GSTCD: variants seen among roughly 807,000 people sequenced by gnomAD.
The protein encoded by GSTCD is glutathione S-transferase C-terminal domain-containing protein.
GSTCD carries 44 observed loss-of-function variants against 68.3 expected under a neutral mutation model. The ratio of observed to expected loss-of-function variants is 0.64; its 90% CI spans 0.51 to 0.83. The LOEUF is 0.83. GSTCD is among the 40% of genes least tolerant of loss of function. The pLI is 0.00. For missense variants in GSTCD, 739 were observed against 735.9 expected, an observed-to-expected ratio of 1.00 and a Z score of -0.05; for synonymous variants, 273 against 255.2, an observed-to-expected ratio of 1.07 and a Z score of -0.67.
At chr4:105,799,263 G>A (rs1208798910) in intron 5 of GSTCD, among the ~76,000 whole-genome samples, 2 of 152,172 alleles carry the variant, frequency 1.3e-5, no homozygotes, top group Admixed American at 1.3e-4. Context: ...CCCAATATCA[G>A]TAATGAGGCA....
At chr4:105,807,168 T>C (rs1185897704) in intron 5 of GSTCD, 1 of 152,146 alleles carries the variant, frequency 6.6e-6, no homozygotes, top group Non-Finnish European at 1.5e-5. Context: ...CACCAGTTTT[T>C]ACTATTTTGC....
In GSTCD at chr4:105,726,845, A is replaced by G. The variant is rs1733054930; in HGVS notation, c.1146+15A>G. On this transcript the variant is annotated intron_variant, in intron 4 of 11. Coordinates refer to ENST00000515279, the MANE Select transcript of GSTCD (RefSeq NM_001370181.1). The stretch of plus-strand genomic sequence containing the variant: ...CCAAGTTAATGGTACTTAATTATTA[A>G]CATTTTCTTTGAAAAATTCTATGTG... 2 of 1,569,046 alleles carry G rather than the reference A, an allele frequency of 1.3e-6. No homozygotes were observed. Among genetic ancestry groups the G allele is most frequent in the African/African-American group, 1.4e-5 (1 of 73,106 alleles).
intron 8 of GSTCD, among the ~76,000 whole-genome samples, chr4:105,831,604 C>T (rs533391583): frequency 1.3e-5 from 2 of 152,210 alleles, no homozygotes; most frequent in East Asian, 3.9e-4. Flanking sequence ...TTTGTGTGTT[C>T]ACATCTCTTG....
At chr4:105,802,739 A>G (rs1465280457) in intron 5 of GSTCD, among the ~76,000 whole-genome samples, 1 of 152,078 alleles carries the variant, frequency 6.6e-6, no homozygotes, top group Non-Finnish European at 1.5e-5. Flanking sequence ...CTCTTAAGCC[A>G]TAATCCAGTT....
At chr4:105,757,305 T>A (rs1578442492) in intron 5 of GSTCD, among the ~76,000 whole-genome samples, 1 of 152,310 alleles carries the variant, frequency 6.6e-6, no homozygotes, top group Non-Finnish European at 1.5e-5. Flanking sequence ...TATTAAGAAT[T>A]TCCCATTCTC....
chr4:105,825,645 T>C lies in GSTCD; in HGVS notation c.1402-27T>C, dbSNP rs762962725. ...AATGTCTGAATTATGTTACTAAATA[T>C]ACTATTGTTTTCTGGGTAAAATCTA... On this transcript the variant is annotated intron_variant, in intron 7 of 11. Transcript: ENST00000515279. The C allele has an allele frequency of 3.1e-6, 4 of 1,275,394 alleles. No homozygotes were observed. The Admixed American group carries it at 7.0e-5, about 22-fold the overall frequency. 79.0% of individuals were successfully genotyped at this position (1,275,394 alleles called of 1,614,324 possible). A position where few individuals can be genotyped will look rare whatever the true frequency, so the allele number is the denominator to read the frequency against.
At chr4:105,821,367 A>G (rs1438963780) in intron 5 of GSTCD, among the ~76,000 whole-genome samples, 3 of 151,824 alleles carry the variant, frequency 2.0e-5, no homozygotes, top group Admixed American at 1.3e-4. Flanking sequence ...CATGACAAAA[A>G]TCTCTTAGGA....
chr4:105,762,052 T>C (rs529632214), intron 5 of GSTCD, among the ~76,000 whole-genome samples: 2 of 152,342 alleles, frequency 1.3e-5, no homozygotes, highest in African/African-American at 4.8e-5. Flanking sequence ...TGTTGTCAAA[T>C]TGGAAGTGTG....
At chr4:105,757,073 T>C (rs922282236) in intron 5 of GSTCD, among the ~76,000 whole-genome samples, 7 of 152,146 alleles carry the variant, frequency 4.6e-5, no homozygotes, top group Non-Finnish European at 7.4e-5. Flanking sequence ...TTAGAGGAAA[T>C]GTTTTGGAAG....
chr4:105,712,385 A>G (rs1219497054), intron 1 of GSTCD: 3 of 152,296 alleles, frequency 2.0e-5, no homozygotes, highest in Admixed American at 2.0e-4. Flanking sequence ...GGCACCTTCC[A>G]AAAACAGCAA....
chr4:105,796,148 A>G (rs1735876816), intron 5 of GSTCD, among the ~76,000 whole-genome samples: 1 of 152,210 alleles, frequency 6.6e-6, no homozygotes. Flanking sequence ...CCTCACAATA[A>G]TGACGAAAGA....
At chr4:105,775,894 C>G (rs1224864313) in intron 5 of GSTCD, among the ~76,000 whole-genome samples, 1 of 152,170 alleles carries the variant, frequency 6.6e-6, no homozygotes, top group Non-Finnish European at 1.5e-5. Flanking sequence ...GAGATATGCT[C>G]TCTTCAGAGC....
chr4:105,811,072 T>G (rs1022095357), intron 5 of GSTCD, among the ~76,000 whole-genome samples: 1 of 152,144 alleles, frequency 6.6e-6, no homozygotes, highest in Non-Finnish European at 1.5e-5. Flanking sequence ...GTAAAAACAT[T>G]CAGTTGTCAA....
chr4:105,783,420 T>C (rs1056958983), intron 5 of GSTCD, among the ~76,000 whole-genome samples: 1 of 152,224 alleles, frequency 6.6e-6, no homozygotes, highest in Non-Finnish European at 1.5e-5. Flanking sequence ...TTGACCTATA[T>C]GCCTTAAAAC....
intron 8 of GSTCD, among the ~76,000 whole-genome samples, chr4:105,828,028 G>C (rs140564030): frequency 6.6e-6 from 1 of 151,964 alleles, no homozygotes; most frequent in Admixed American, 6.6e-5. Flanking sequence ...AACAAAAACC[G>C]TATCAAGGCT....
At chr4:105,792,042 G>A (rs1735696344) in intron 5 of GSTCD, among the ~76,000 whole-genome samples, 1 of 152,060 alleles carries the variant, frequency 6.6e-6, no homozygotes, top group Non-Finnish European at 1.5e-5. Flanking sequence ...TGTAATATAT[G>A]CTTCTGTTGT....
At chr4:105,764,688 ACCCTAATT>A (rs1349052605) in intron 5 of GSTCD, among the ~76,000 whole-genome samples, 1 of 152,086 alleles carries the variant, frequency 6.6e-6, no homozygotes, top group East Asian at 1.9e-4. Flanking sequence ...ACCTCATGTA[ACCCTAATT>A]ACCTCCGTAA....
At chr4:105,767,951 T>C (rs778928282) in intron 5 of GSTCD, among the ~76,000 whole-genome samples, 7 of 152,110 alleles carry the variant, frequency 4.6e-5, no homozygotes, top group Non-Finnish European at 8.8e-5. Flanking sequence ...CATGAAAGAA[T>C]TCTAGTTTTT....
At chr4:105,817,790 C>T (rs1044855707) in intron 5 of GSTCD, among the ~76,000 whole-genome samples, 11 of 151,798 alleles carry the variant, frequency 7.2e-5, no homozygotes, top group African/African-American at 2.7e-4. Flanking sequence ...CTTTAAATGG[C>T]TGTTTTGTTA....
Sources: gnomAD v4.1 joint callset for allele counts (sites outside exome capture counted in the v4.1 genomes callset) on GRCh38, gnomAD v4.1.1 for gene constraint, MANE v1.5 for transcripts, NCBI Gene and HGNC (gene_info 2026-07-23, HGNC 2026-07-21) for gene names.